Variants in CNTN5 observed in about 807,000 individuals in gnomAD.
The protein encoded by CNTN5 is contactin 5.
CNTN5 carries 77 observed loss-of-function variants against 129.1 expected under a neutral mutation model. The observed-to-expected ratio is 0.60, with a 90% CI of 0.50 to 0.72. The LOEUF is 0.72. CNTN5 is among the 30% of genes least tolerant of loss of function. CNTN5 has a pLI of 0.00. For missense variants in CNTN5, 1,478 were observed against 1,328.8 expected, an observed-to-expected ratio of 1.11 and a Z score of -1.75; for synonymous variants, 509 against 465.6, an observed-to-expected ratio of 1.09 and a Z score of -1.20.
chr11:100,121,016 C>T (rs547037341), intron 13 of CNTN5, among the ~76,000 whole-genome samples: 1 of 151,634 alleles, frequency 6.6e-6, no homozygotes, highest in South Asian at 2.1e-4. Context: ...AAACCCATTC[C>T]AAAAAGGCAG....
chr11:99,870,792 G>A (rs1170623030), intron 6 of CNTN5, among the ~76,000 whole-genome samples: 1 of 132,868 alleles, frequency 7.5e-6, no homozygotes, highest in Non-Finnish European at 1.6e-5. Flanking sequence ...ACAGAAGTGA[G>A]TTATATGTTA....
chr11:100,112,435 T>C (rs1167809619), intron 13 of CNTN5, among the ~76,000 whole-genome samples: 2 of 152,166 alleles, frequency 1.3e-5, no homozygotes, highest in East Asian at 1.9e-4. Flanking sequence ...AAAAATTCTA[T>C]TTTAAAACAT....
intron 1 of CNTN5, among the ~76,000 whole-genome samples, chr11:99,252,670 A>G (rs891325925): frequency 1.3e-5 from 2 of 152,020 alleles, no homozygotes; most frequent in Non-Finnish European, 1.5e-5. Flanking sequence ...ATTGTGGCTT[A>G]AAGTTTAATT....
At chr11:99,303,523 G>A (rs914430755) in intron 1 of CNTN5, among the ~76,000 whole-genome samples, 1 of 149,732 alleles carries the variant, frequency 6.7e-6, no homozygotes, top group Non-Finnish European at 1.5e-5. Flanking sequence ...ATAGGAAATG[G>A]CACACGAGAT....
chr11:100,321,380 A>G (rs375623554), intron 21 of CNTN5, among the ~76,000 whole-genome samples: 2 of 151,036 alleles, frequency 1.3e-5, no homozygotes, highest in East Asian at 3.9e-4. Context: ...TAAAAACACT[A>G]CTAAATTTTG....
chr11:99,028,195 T>C (rs942319933), intron 1 of CNTN5, among the ~76,000 whole-genome samples: 1 of 151,942 alleles, frequency 6.6e-6, no homozygotes, highest in Admixed American at 6.6e-5. Context: ...ATTAACTGTT[T>C]TAAAAATATA....
intron 3 of CNTN5, among the ~76,000 whole-genome samples, chr11:99,667,954 GA>G (rs71050015): frequency 0.69 from 104,127 of 150,912 alleles, 36,493 homozygotes; most frequent in Admixed American, 0.79. Context: ...TAAAGCAAAA[GA>G]AAAAAAAAAT....
intron 3 of CNTN5, among the ~76,000 whole-genome samples, chr11:99,796,702 G>A (rs1188688334): frequency 6.6e-6 from 1 of 152,032 alleles, no homozygotes; most frequent in African/African-American, 2.4e-5. Context: ...GCTCTTTTCA[G>A]GTCCACTAGC....
chr11:99,919,523 C>A (rs1046602385), intron 7 of CNTN5, among the ~76,000 whole-genome samples: 11 of 152,130 alleles, frequency 7.2e-5, no homozygotes, highest in African/African-American at 2.4e-4. Context: ...CAATTCTATT[C>A]CTCTCAGTCA....
chr11:99,823,079 G>T lies in CNTN5; in HGVS notation c.277+3314G>T, dbSNP rs549936242. On this transcript the variant is annotated intron_variant, in intron 4 of 24. Transcript: ENST00000524871. ...AGTAGTCACGTGAGTGAGTTTACAC[G>T]TGTATCCGTACCTATTCGAACATTG... Among the ~76,000 whole-genome samples, 12 of 152,280 alleles carry T rather than the reference G, an allele frequency of 7.9e-5. 1 individual carries two copies. In the South Asian group the frequency reaches 2.5e-3, roughly 32 times the overall value.
At chr11:99,339,305 G>T (rs1397057086) in intron 2 of CNTN5, among the ~76,000 whole-genome samples, 1 of 152,084 alleles carries the variant, frequency 6.6e-6, no homozygotes, top group Non-Finnish European at 1.5e-5. Context: ...TGAATGTCTT[G>T]GCAGAAATAA....
At chr11:99,919,241 T>G (rs2136025768) in intron 7 of CNTN5, among the ~76,000 whole-genome samples, 1 of 80,356 alleles carries the variant, frequency 1.2e-5, no homozygotes, top group East Asian at 3.9e-4. Flanking sequence ...GTTCTAAGAC[T>G]AATCTCTCAA....
intron 23 of CNTN5, among the ~76,000 whole-genome samples, chr11:100,345,902 G>T (rs17094875): frequency 0.019 from 2,880 of 152,198 alleles, 96 homozygotes; most frequent in African/African-American, 0.064. Context: ...ATGTTGGAAA[G>T]GATTGTCTGT....
At chr11:99,591,076 G>T (rs1949963866) in intron 3 of CNTN5, among the ~76,000 whole-genome samples, 1 of 152,108 alleles carries the variant, frequency 6.6e-6, no homozygotes, top group Non-Finnish European at 1.5e-5. Context: ...AGCTGCTGCT[G>T]CCTTTGATGT....
intron 3 of CNTN5, among the ~76,000 whole-genome samples, chr11:99,806,421 T>C (rs1162743223): frequency 2.0e-5 from 3 of 152,166 alleles, no homozygotes; most frequent in Admixed American, 2.0e-4. Context: ...ATAAATACTA[T>C]GTATGTGAGT....
intron 2 of CNTN5, among the ~76,000 whole-genome samples, chr11:99,544,863 G>GA (rs558869612): frequency 5.5e-4 from 84 of 152,206 alleles, no homozygotes; most frequent in East Asian, 2.5e-3. Context: ...CTGTGTGGGG[G>GA]AAAAAATCAA....
chr11:100,185,178 A>G (rs1225934309), intron 13 of CNTN5, among the ~76,000 whole-genome samples: 1 of 152,146 alleles, frequency 6.6e-6, no homozygotes, highest in Non-Finnish European at 1.5e-5. Flanking sequence ...AAATTGTCTC[A>G]TACATAAGTC....
chr11:100,279,884 GTTGT>G lies in CNTN5; in HGVS notation c.2314+8646_2314+8649del, dbSNP rs1188769856. On this transcript the variant is annotated intron_variant, in intron 18 of 24. Transcript: ENST00000524871. ...CTAGTTCCTTAGGATGCCTCATTAG[GTTGT>G]TTATTTGAAGTTTTTCTTTTTCTTT... Among the ~76,000 whole-genome samples the G allele has an allele frequency of 6.5e-5, 9 of 139,008 alleles. 1 individual carries two copies. Among genetic ancestry groups the G allele is most frequent in the Admixed American group, 3.7e-4 (5 of 13,628 alleles). The allele number at this position is 139,008 out of a possible 152,430, so 91.2% of individuals were successfully genotyped here. A position where few individuals can be genotyped will look rare whatever the true frequency, so the allele number is the denominator to read the frequency against.
At chr11:99,846,307 G>A (rs369941848) in intron 6 of CNTN5, among the ~76,000 whole-genome samples, 1 of 137,512 alleles carries the variant, frequency 7.3e-6, no homozygotes, top group Non-Finnish European at 1.5e-5. Flanking sequence ...GTAGTGAGCC[G>A]AGATTGCGCC....
Sources: allele counts gnomAD v4.1 joint callset (sites outside exome capture counted in the v4.1 genomes callset), GRCh38; gene constraint gnomAD v4.1.1; transcripts MANE v1.5; gene names NCBI Gene and HGNC (gene_info 2026-07-23, HGNC 2026-07-21).